THRB: variants seen among roughly 807,000 people sequenced by gnomAD.
THRB encodes the protein nuclear receptor subfamily 1 group A member 2.
Under a neutral mutation model 47.8 loss-of-function variants are expected in THRB, and 12 were observed. That is an observed-to-expected ratio of 0.25 (90% CI 0.16 to 0.41). The LOEUF (loss-of-function observed/expected upper bound fraction) is 0.41, where lower values mean the gene tolerates loss of function less well. Among genes scored for constraint, THRB ranks in the 10% least tolerant of loss-of-function variants. The pLI is 1.00. For missense variants in THRB, 348 were observed against 589.2 expected, an observed-to-expected ratio of 0.59 and a Z score of 4.24; for synonymous variants, 218 against 212.2, an observed-to-expected ratio of 1.03 and a Z score of -0.24.
chr3:24,189,257 A>G (rs1405307396), intron 5 of THRB, among the ~76,000 whole-genome samples: 1 of 152,182 alleles, frequency 6.6e-6, no homozygotes, highest in Admixed American at 6.5e-5. Context: ...TCCTCAAAGA[A>G]AAACTAAATA....
intron 3 of THRB, among the ~76,000 whole-genome samples, chr3:24,238,657 C>T (rs759572642): frequency 3.9e-5 from 6 of 152,132 alleles, no homozygotes; most frequent in Non-Finnish European, 7.4e-5. Context: ...CCCAGGGAGA[C>T]AGTGTCTCTC....
At chr3:24,285,328 A>C (rs957695878) in intron 3 of THRB, among the ~76,000 whole-genome samples, 9 of 151,600 alleles carry the variant, frequency 5.9e-5, no homozygotes, top group African/African-American at 2.2e-4. Context: ...AAACTATCAC[A>C]AGAACAAAAA....
chr3:24,242,380 A>AT lies in THRB; in HGVS notation c.-42-13380dup, dbSNP rs903399914. Among the ~76,000 whole-genome samples the AT allele has an allele frequency of 3.0e-4, 45 of 149,174 alleles. No homozygotes were observed. The East Asian group carries it at 3.1e-3, about 10-fold the overall frequency. ...TCATGTTCGGCTCACGGCTCCAAGCATTTTTTTTTTCCTGCTGTACTTGTA... is the reference window on the plus strand; with the variant it reads ...TCATGTTCGGCTCACGGCTCCAAGCATTTTTTTTTTTCCTGCTGTACTTGTA... On this transcript the variant is annotated intron_variant, in intron 3 of 10. Transcript: ENST00000646209.
chr3:24,466,485 T>C (rs1409151449), intron 1 of THRB, among the ~76,000 whole-genome samples: 1 of 152,126 alleles, frequency 6.6e-6, no homozygotes, highest in Non-Finnish European at 1.5e-5. Context: ...GGAAACCCAG[T>C]GGGGAAGAGT....
At chr3:24,235,927 G>T (rs1029690650) in intron 3 of THRB, among the ~76,000 whole-genome samples, 4 of 152,218 alleles carry the variant, frequency 2.6e-5, no homozygotes, top group Middle Eastern at 3.4e-3. Context: ...GGGGTGCTGG[G>T]TATGACTGGA....
At chr3:24,142,830 G>C (rs555384060) in intron 8 of THRB, among the ~76,000 whole-genome samples, 15 of 152,290 alleles carry the variant, frequency 9.8e-5, no homozygotes, top group Admixed American at 5.9e-4. Flanking sequence ...AATGGGGATA[G>C]TAATTCCAGC....
intron 2 of THRB, among the ~76,000 whole-genome samples, chr3:24,304,442 T>C (rs1029433996): frequency 6.6e-6 from 1 of 151,966 alleles, no homozygotes; most frequent in Non-Finnish European, 1.5e-5. Context: ...GTAAGATTCA[T>C]GAGAAAAGCA....
intron 1 of THRB, among the ~76,000 whole-genome samples, chr3:24,486,025 C>A (rs1267521342): frequency 1.3e-5 from 2 of 152,164 alleles, no homozygotes; most frequent in African/African-American, 2.4e-5. Flanking sequence ...TCCACGGCCC[C>A]AGTTCCAAAC....
chr3:24,299,249 TAAAAA>T (rs36061929), intron 2 of THRB, among the ~76,000 whole-genome samples: 2 of 70,188 alleles, frequency 2.8e-5, no homozygotes, highest in African/African-American at 6.2e-5. Context: ...CTCAGTCTCA[TAAAAA>T]AAAAAAAAAA....
At chr3:24,462,246 G>T (rs1314798550) in intron 1 of THRB, among the ~76,000 whole-genome samples, 1 of 152,164 alleles carries the variant, frequency 6.6e-6, no homozygotes, top group Non-Finnish European at 1.5e-5. Context: ...CAAGACACAG[G>T]CACCTTTAAG....
intron 3 of THRB, among the ~76,000 whole-genome samples, chr3:24,265,095 A>G (rs2052512009): frequency 6.6e-6 from 1 of 152,244 alleles, no homozygotes; most frequent in South Asian, 2.1e-4. Context: ...GTTAGCCATC[A>G]GTAGACTGGG....
In THRB at chr3:24,266,065, C is replaced by T. The variant is rs989261226; in HGVS notation, c.-43+31161G>A. ...ATCTGGCATTGAAATTTTAATCTTC[C>T]CTAAACTTTCAAAATCTGTTTAGTA... On this transcript the variant is annotated intron_variant, in intron 3 of 10. Coordinates refer to ENST00000646209, the MANE Select transcript of THRB (RefSeq NM_001354712.2). Among the ~76,000 whole-genome samples, 3 of 151,956 alleles carry T rather than the reference C, an allele frequency of 2.0e-5. No individual in the cohort carries two copies. In the East Asian group the frequency reaches 5.8e-4, roughly 29 times the overall value.
chr3:24,431,261 T>TCTCTACACAC (rs767685100), intron 1 of THRB, among the ~76,000 whole-genome samples: 4 of 135,708 alleles, frequency 2.9e-5, no homozygotes, highest in Non-Finnish European at 3.2e-5. Flanking sequence ...TCTCTCTCTC[T>TCTCTACACAC]ACACACACAC....
chr3:24,361,434 C>A (rs1356381881), intron 1 of THRB, among the ~76,000 whole-genome samples: 1 of 152,088 alleles, frequency 6.6e-6, no homozygotes, highest in Non-Finnish European at 1.5e-5. Flanking sequence ...TCATTTTGTT[C>A]TATGCAATGC....
At chr3:24,157,617 A>G (rs1048125150) in intron 5 of THRB, among the ~76,000 whole-genome samples, 1 of 151,864 alleles carries the variant, frequency 6.6e-6, no homozygotes, top group African/African-American at 2.4e-5. Flanking sequence ...GGAGCCTTGA[A>G]CTCCTGGGCC....
At chr3:24,253,556 G>C (rs1020261915) in intron 3 of THRB, among the ~76,000 whole-genome samples, 1 of 152,196 alleles carries the variant, frequency 6.6e-6, no homozygotes, top group Admixed American at 6.5e-5. Flanking sequence ...TAGCAGTTGA[G>C]AGCTGCTGGC....
At chr3:24,334,745 C>A (rs2149404120) in intron 2 of THRB, among the ~76,000 whole-genome samples, 1 of 152,268 alleles carries the variant, frequency 6.6e-6, no homozygotes. Flanking sequence ...GGGGGAGTGG[C>A]TGAAGCTAAG....
intron 1 of THRB, among the ~76,000 whole-genome samples, chr3:24,371,572 A>G (rs1019221507): frequency 6.6e-6 from 1 of 152,112 alleles, no homozygotes; most frequent in Non-Finnish European, 1.5e-5. Context: ...TTACCGTTCC[A>G]CCCACATCCT....
chr3:24,242,688 G>A (rs2049672193), intron 3 of THRB, among the ~76,000 whole-genome samples: 1 of 152,082 alleles, frequency 6.6e-6, no homozygotes, highest in African/African-American at 2.4e-5. Flanking sequence ...TCTTCTTGAG[G>A]TTCTAGCCTT....
Sources: allele counts gnomAD v4.1 joint callset (sites outside exome capture counted in the v4.1 genomes callset), GRCh38; gene constraint gnomAD v4.1.1; transcripts MANE v1.5; gene names NCBI Gene and HGNC (gene_info 2026-07-23, HGNC 2026-07-21).